GNAO1: variants seen among roughly 807,000 people sequenced by gnomAD.
GNAO1 encodes guanine nucleotide-binding protein G(o) subunit alpha.
For missense variants in GNAO1, 166 were observed against 478.7 expected, an observed-to-expected ratio of 0.35 and a Z score of 6.10; for synonymous variants, 164 against 180.7, an observed-to-expected ratio of 0.91 and a Z score of 0.74.
chr16:56,265,640 ATAATCTATAAGTGTTCC>A (rs1323325363), intron 2 of GNAO1, among the ~76,000 whole-genome samples: 5 of 152,116 alleles, frequency 3.3e-5, no homozygotes, highest in Non-Finnish European at 5.9e-5. Context: ...TGTGTGGGCT[ATAATCTATAAGTGTTCC>A]AAGAACAGGC....
At chr16:56,332,976 G>T (rs1438878770) in intron 4 of GNAO1, among the ~76,000 whole-genome samples, 1 of 152,214 alleles carries the variant, frequency 6.6e-6, no homozygotes, top group African/African-American at 2.4e-5. Flanking sequence ...CTGGCGAGGA[G>T]GCTGTGAGGC....
chr16:56,226,863 C>A (rs115628799), intron 2 of GNAO1, among the ~76,000 whole-genome samples: 1,813 of 152,272 alleles, frequency 0.012, 42 homozygotes, highest in African/African-American at 0.042. Context: ...TGACCCTGCC[C>A]CAAGGGCCGA....
At chr16:56,347,029 C>T (rs2037876474) in intron 6 of GNAO1, 1 of 985,384 alleles carries the variant, frequency 1.0e-6, no homozygotes, top group Non-Finnish European at 1.2e-6. Context: ...TAGCCTGCAT[C>T]CTTCCTGGCC....
intron 3 of GNAO1, among the ~76,000 whole-genome samples, chr16:56,325,965 A>G (rs1234779558): frequency 6.6e-6 from 1 of 152,196 alleles, no homozygotes; most frequent in Non-Finnish European, 1.5e-5. Context: ...GGGAAAGACT[A>G]CAGGTGGCCC....
intron 3 of GNAO1, among the ~76,000 whole-genome samples, chr16:56,318,382 C>T (rs1396567264): frequency 1.3e-5 from 2 of 152,246 alleles, no homozygotes; most frequent in East Asian, 1.9e-4. Flanking sequence ...AAGAGCAAGT[C>T]GGCAGCCCAA....
chr16:56,271,190 G>A (rs77986988), intron 2 of GNAO1: 7,779 of 152,358 alleles, frequency 0.051, 305 homozygotes, highest in Non-Finnish European at 0.075. Context: ...CAGGGCAGAA[G>A]GAGAAGCCCT....
intron 2 of GNAO1, among the ~76,000 whole-genome samples, chr16:56,213,804 C>G (rs1283086908): frequency 1.3e-5 from 2 of 151,738 alleles, no homozygotes; most frequent in Non-Finnish European, 2.9e-5. Flanking sequence ...CGTGTGCAAA[C>G]CACAAGGAGG....
chr16:56,225,592 C>T (rs1326293077), intron 2 of GNAO1, among the ~76,000 whole-genome samples: 1 of 152,156 alleles, frequency 6.6e-6, no homozygotes, highest in Non-Finnish European at 1.5e-5. Context: ...GGGCTGGAGC[C>T]ATCTTCTCTG....
intron 2 of GNAO1, among the ~76,000 whole-genome samples, chr16:56,214,003 G>C (rs2036416560): frequency 6.6e-6 from 1 of 152,080 alleles, no homozygotes; most frequent in Non-Finnish European, 1.5e-5. Context: ...GCTTGGGGGT[G>C]GTGTCCTGTG....
intron 2 of GNAO1, among the ~76,000 whole-genome samples, chr16:56,221,424 T>C (rs1432451160): frequency 1.3e-5 from 2 of 151,758 alleles, no homozygotes; most frequent in African/African-American, 2.4e-5. Context: ...CCAAAGTGGG[T>C]GGATCCCTTG....
In GNAO1 at chr16:56,346,392, G is replaced by A. The variant is rs1567494170; in HGVS notation, c.724-4992G>A. ...GCCATGGTAACCTCTCCGATGGCTC[G>A]GATTTAGCAGGCCAAGCAGAAACTG... On this transcript the variant is annotated intron_variant, in intron 6 of 8. Coordinates refer to ENST00000262493, the MANE Select transcript of GNAO1 (RefSeq NM_020988.3). 1.8e-5 allele frequency: 18 copies of A among 985,410 alleles called. No individual in the cohort carries two copies. In the South Asian group the frequency reaches 3.8e-4, roughly 21 times the overall value. 61.0% of individuals were successfully genotyped at this position (985,410 alleles called of 1,614,324 possible).
chr16:56,209,590 C>T (rs1039930999), intron 2 of GNAO1, among the ~76,000 whole-genome samples: 1 of 152,126 alleles, frequency 6.6e-6, no homozygotes, highest in African/African-American at 2.4e-5. Flanking sequence ...TTGAGTCTTC[C>T]TGATCCATGA....
chr16:56,231,378 A>T (rs2036587525), intron 2 of GNAO1, among the ~76,000 whole-genome samples: 1 of 152,106 alleles, frequency 6.6e-6, no homozygotes. Flanking sequence ...AGTCCTCATC[A>T]CTTGCCGTCT....
intron 2 of GNAO1, among the ~76,000 whole-genome samples, chr16:56,267,798 A>G (rs2036971740): frequency 6.6e-6 from 1 of 152,230 alleles, no homozygotes; most frequent in African/African-American, 2.4e-5. Flanking sequence ...CCAGCCCATG[A>G]TATGGTGGCT....
chr16:56,287,279 G>C (rs1453326845), intron 3 of GNAO1, among the ~76,000 whole-genome samples: 1 of 152,206 alleles, frequency 6.6e-6, no homozygotes. Flanking sequence ...AACAGCCTTA[G>C]AGCTAGTCAA....
At chr16:56,250,194 A>G (rs1444910351) in intron 2 of GNAO1, among the ~76,000 whole-genome samples, 1 of 152,222 alleles carries the variant, frequency 6.6e-6, no homozygotes, top group Non-Finnish European at 1.5e-5. Flanking sequence ...GGCGGGGTTG[A>G]TGAGTTGTAT....
chr16:56,194,736 C>T (rs1884863172), intron 2 of GNAO1, among the ~76,000 whole-genome samples: 1 of 152,154 alleles, frequency 6.6e-6, no homozygotes, highest in South Asian at 2.1e-4. Flanking sequence ...ACTTTGCATC[C>T]GCCAAAGCAA....
At chr16:56,294,080 T>C (rs1186136411) in intron 3 of GNAO1, among the ~76,000 whole-genome samples, 1 of 152,204 alleles carries the variant, frequency 6.6e-6, no homozygotes, top group Non-Finnish European at 1.5e-5. Flanking sequence ...GTTAAGTCGC[T>C]TGCCCAACTG....
intron 7 of GNAO1, chr16:56,353,251 T>C (rs1316658587): frequency 1.3e-5 from 2 of 152,312 alleles, no homozygotes; most frequent in African/African-American, 2.4e-5. Flanking sequence ...AGGCCAGGGC[T>C]ACCCTCAGAG....
Sources: gnomAD v4.1 joint callset for allele counts (sites outside exome capture counted in the v4.1 genomes callset) on GRCh38, gnomAD v4.1.1 for gene constraint, MANE v1.5 for transcripts, NCBI Gene and HGNC (gene_info 2026-07-23, HGNC 2026-07-21) for gene names.